The following TRAPPC10 variants were observed in gnomAD, a reference collection of about 807,000 sequenced individuals.
TRAPPC10 encodes the protein TRAPP 130 kDa subunit.
Under a neutral mutation model 125.5 loss-of-function variants are expected in TRAPPC10, and 23 were observed. The ratio of observed to expected loss-of-function variants is 0.18; its 90% CI spans 0.13 to 0.26. The LOEUF (loss-of-function observed/expected upper bound fraction) is 0.26, where lower values mean the gene tolerates loss of function less well. Among genes scored for constraint, TRAPPC10 ranks in the 10% least tolerant of loss-of-function variants. The pLI is 1.00. For missense variants in TRAPPC10, 1,123 were observed against 1,308.4 expected (o/e 0.86, Z 2.19); for synonymous variants, 509 against 518.0 (o/e 0.98, Z 0.24).
chr21:44,032,247 T>A, intron 2 of TRAPPC10, 75 bp downstream of exon 2: 2 of 1,238,410 alleles, frequency 1.6e-6, no homozygotes, highest in Non-Finnish European at 2.3e-6. Context: ...TAAATAAGTA[T>A]ATGTTGTTTA....
At chr21:44,027,865 C>G (rs1255248117) in intron 1 of TRAPPC10, among the ~76,000 whole-genome samples, 3 of 152,154 alleles carry the variant, frequency 2.0e-5, no homozygotes, top group Non-Finnish European at 2.9e-5. Flanking sequence ...AGAGATCTCC[C>G]TTGCCCCTTC....
At chr21:44,030,988 G>A (rs8126754) in intron 1 of TRAPPC10, among the ~76,000 whole-genome samples, 51,182 of 151,894 alleles carry the variant, frequency 0.34, 12,840 homozygotes, top group African/African-American at 0.71. Flanking sequence ...CCATGTCCCC[G>A]AGGCACAGGA....
At chr21:44,013,963 G>A (rs1277346133) in intron 1 of TRAPPC10, among the ~76,000 whole-genome samples, 1 of 152,202 alleles carries the variant, frequency 6.6e-6, no homozygotes, top group Non-Finnish European at 1.5e-5. Flanking sequence ...CAGTGCTCAG[G>A]GAAGATGAAG....
intron 7 of TRAPPC10, 51 bp from the exon 8 acceptor site, chr21:44,074,273 C>T (rs998255320): frequency 5.0e-6 from 8 of 1,610,228 alleles, no homozygotes; most frequent in Non-Finnish European, 5.9e-6. Flanking sequence ...TTTGTTCAAG[C>T]TAGAGCTGTC....
chr21:44,036,640 C>T (rs895856564), intron 2 of TRAPPC10, among the ~76,000 whole-genome samples: 3 of 152,160 alleles, frequency 2.0e-5, no homozygotes, highest in Admixed American at 6.5e-5. Context: ...AGAAACCTTG[C>T]GACCCTCTGA....
chr21:44,045,815 C>T (rs2034758741), intron 3 of TRAPPC10, among the ~76,000 whole-genome samples: 1 of 152,218 alleles, frequency 6.6e-6, no homozygotes, highest in East Asian at 1.9e-4. Flanking sequence ...CTCGGCCTCC[C>T]AAAGTGCTGG....
chr21:44,017,982 G>A (rs1354677381), intron 1 of TRAPPC10, among the ~76,000 whole-genome samples: 1 of 152,080 alleles, frequency 6.6e-6, no homozygotes, highest in African/African-American at 2.4e-5. Flanking sequence ...AACCCGTGCT[G>A]TTAGTGTTAT....
intron 1 of TRAPPC10, among the ~76,000 whole-genome samples, chr21:44,015,506 G>A (rs1601532776): frequency 6.6e-6 from 1 of 151,970 alleles, no homozygotes; most frequent in East Asian, 1.9e-4. Flanking sequence ...CAGCCTTGCT[G>A]GGCTCAAGTG....
At chr21:44,019,465 A>C (rs536888259) in intron 1 of TRAPPC10, among the ~76,000 whole-genome samples, 18 of 152,126 alleles carry the variant, frequency 1.2e-4, no homozygotes, top group Non-Finnish European at 2.2e-4. Context: ...TTCTTCCTCA[A>C]ATCTTTCCTC....
In TRAPPC10 at chr21:44,089,052, G is replaced by A. The variant is rs1206529740; in HGVS notation, c.2770-781G>A. The A allele has an allele frequency of 1.5e-5, 3 of 201,944 alleles. No individual in the cohort carries two copies. In the East Asian group the frequency reaches 4.9e-4, roughly 33 times the overall value. The allele number at this position is 201,944 out of a possible 1,614,324, so 12.5% of individuals were successfully genotyped here. A position where few individuals can be genotyped will look rare whatever the true frequency, so the allele number is the denominator to read the frequency against. ...CTCTTCCCTGGCGCTGGTGGCACCT[G>A]TGCTATGTGCCGTGTTATCCTCTCT... On this transcript the variant is annotated intron_variant, in intron 17 of 22. Transcript: ENST00000291574.
intron 19 of TRAPPC10, 64 bp from the exon 20 acceptor site, chr21:44,093,999 A>T: frequency 6.6e-7 from 1 of 1,522,364 alleles, no homozygotes; most frequent in Non-Finnish European, 8.9e-7. Context: ...GTTTCGCTGC[A>T]GTGTCTGTGT....
intron 4 of TRAPPC10, among the ~76,000 whole-genome samples, chr21:44,054,457 T>C (rs890566114): frequency 9.9e-5 from 15 of 152,254 alleles, no homozygotes; most frequent in Non-Finnish European, 1.8e-4. Flanking sequence ...TGCTACTTTT[T>C]GGTAATTCAA....
chr21:44,063,588 G>A lies in TRAPPC10; in HGVS notation c.841G>A (p.Gly281Arg), dbSNP rs2036212889. ...CTGCCAGCCAGTGAAGAGCTGGAAC[G>A]GATTGATCCTCCGAAAACCCATAGA... is the stretch of plus-strand genomic sequence containing the variant. Reference protein sequence around the residue: ...FFCQPVKSWNGLILRKPIDME... With the variant: ...FFCQPVKSWNRLILRKPIDME... The change falls in exon 7 of 23, where the codon GGA (glycine) becomes AGA (arginine). Residue 281 changes from glycine to arginine, a missense_variant. Transcript: ENST00000291574. The surrounding 1 kb of genome is among the most constrained non-coding windows in gnomAD (Gnocchi z 4.4). The A allele has an allele frequency of 1.9e-6, 3 of 1,614,026 alleles. No homozygotes were observed. Among genetic ancestry groups the A allele is most frequent in the South Asian group, 1.1e-5 (1 of 91,082 alleles).
intron 2 of TRAPPC10, among the ~76,000 whole-genome samples, chr21:44,035,669 C>T (rs1004037630): frequency 2.6e-5 from 4 of 151,992 alleles, no homozygotes; most frequent in East Asian, 3.9e-4. Flanking sequence ...CCCAACTACC[C>T]GGGAGGCTGA....
In TRAPPC10 at chr21:44,083,080, C is replaced by G. The variant is rs780923450; in HGVS notation, c.2016C>G (p.Pro672=). The G allele has an allele frequency of 6.2e-7, 1 of 1,614,016 alleles. No individual in the cohort carries two copies. Among genetic ancestry groups the G allele is most frequent in the Non-Finnish European group, 8.5e-7 (1 of 1,180,024 alleles). The part of the protein sequence containing the change: ...APFPVSQNSL[P]ALELYEMFER... ...TCCCTGTATCCCAAAACAGTTTGCC[C>G]GCGCTGGAGTTGTATGAAATGTTTG... is the stretch of plus-strand genomic sequence containing the variant. The change falls in exon 14 of 23, where the codon CCC becomes CCG. Residue 672 remains proline (P), a synonymous_variant. Transcript: ENST00000291574.
At chr21:44,093,680 C>T (rs1044286173) in intron 19 of TRAPPC10, among the ~76,000 whole-genome samples, 1 of 151,612 alleles carries the variant, frequency 6.6e-6, no homozygotes, top group Non-Finnish European at 1.5e-5. Context: ...ATCACTTGAA[C>T]CCAGGAGGTG....
At chr21:44,086,535 T>C (rs2038147433) in intron 15 of TRAPPC10, among the ~76,000 whole-genome samples, 1 of 152,220 alleles carries the variant, frequency 6.6e-6, no homozygotes, top group Non-Finnish European at 1.5e-5. Flanking sequence ...TCATAATCCC[T>C]GACTTGCTGA....
chr21:44,067,405 C>T (rs2036530487), intron 7 of TRAPPC10, among the ~76,000 whole-genome samples: 1 of 152,078 alleles, frequency 6.6e-6, no homozygotes, highest in South Asian at 2.1e-4. Flanking sequence ...GGTGGGTGCT[C>T]TCATGTGTAG....
chr21:44,028,009 A>G (rs2033227676), intron 1 of TRAPPC10, among the ~76,000 whole-genome samples: 1 of 152,238 alleles, frequency 6.6e-6, no homozygotes, highest in South Asian at 2.1e-4. Context: ...TTGTTATGGC[A>G]GCCTGAACAG....
Sources: gnomAD v4.1 joint callset for allele counts (sites outside exome capture counted in the v4.1 genomes callset) on GRCh38, gnomAD v4.1.1 for gene constraint, Gnocchi (gnomAD v3.1) non-coding constraint, MANE v1.5 for transcripts, NCBI Gene and HGNC (gene_info 2026-07-23, HGNC 2026-07-21) for gene names.